Variants in CNTN6 observed in about 807,000 individuals in gnomAD.
CNTN6 encodes the protein contactin-6.
CNTN6 carries 137 observed loss-of-function variants against 122.8 expected under a neutral mutation model. The ratio of observed to expected loss-of-function variants is 1.12; its 90% CI spans 0.97 to 1.29. The LOEUF (loss-of-function observed/expected upper bound fraction) is 1.29, where lower values mean the gene tolerates loss of function less well. Among genes scored for constraint, CNTN6 ranks in the 50% most tolerant of loss-of-function variants. CNTN6 has a pLI of 0.00. For synonymous variants in CNTN6, 570 were observed against 426.0 expected (o/e 1.34, Z -4.16); for missense variants, 1,634 against 1,223.4 (o/e 1.34, Z -5.01).
chr3:1,245,224 A>ATGT (rs2094548700), intron 4 of CNTN6, among the ~76,000 whole-genome samples: 2 of 19,946 alleles, frequency 1.0e-4, no homozygotes, highest in African/African-American at 3.8e-4. Flanking sequence ...ATATATATAT[A>ATGT]TATATATATA....
At chr3:1,351,459 T>C (rs766327205) in intron 11 of CNTN6, among the ~76,000 whole-genome samples, 39 of 151,970 alleles carry the variant, frequency 2.6e-4, no homozygotes, top group Middle Eastern at 3.4e-3. Flanking sequence ...TAAAATATGG[T>C]AGCCTAAAAT....
At chr3:1,158,534 T>C (rs1423263859) in intron 2 of CNTN6, among the ~76,000 whole-genome samples, 1 of 151,838 alleles carries the variant, frequency 6.6e-6, no homozygotes, top group Non-Finnish European at 1.5e-5. Context: ...GCTTTTAAAC[T>C]TGATATGATC....
intron 1 of CNTN6, among the ~76,000 whole-genome samples, chr3:1,147,037 CAGAA>C (rs1414607763): frequency 6.6e-6 from 1 of 151,826 alleles, no homozygotes; most frequent in Non-Finnish European, 1.5e-5. Context: ...TAACTCATGA[CAGAA>C]AGAAATGATT....
intron 20 of CNTN6, among the ~76,000 whole-genome samples, chr3:1,400,894 C>T (rs1695602964): frequency 6.6e-6 from 1 of 152,070 alleles, no homozygotes; most frequent in African/African-American, 2.4e-5. Context: ...TCCTCAGACT[C>T]TGCTGCAATC....
chr3:1,295,815 G>A lies in CNTN6; in HGVS notation c.658+11G>A. ...TGCAGCGCACTGATGGTAAGATAAT[G>A]AGTTATCTTGGGAATGTACTTTATC... On this transcript the variant is annotated intron_variant, in intron 6 of 22. Coordinates refer to ENST00000446702, the MANE Select transcript of CNTN6 (RefSeq NM_001289080.2). 2 of 1,600,488 alleles carry A rather than the reference G, an allele frequency of 1.2e-6. No homozygotes were observed. Among genetic ancestry groups the A allele is most frequent in the Non-Finnish European group, 8.6e-7 (1 of 1,167,894 alleles).
intron 11 of CNTN6, among the ~76,000 whole-genome samples, chr3:1,336,540 C>A (rs1423118058): frequency 6.6e-6 from 1 of 152,072 alleles, no homozygotes; most frequent in Non-Finnish European, 1.5e-5. Flanking sequence ...CTCTGGAAAC[C>A]AATTCCGTTA....
chr3:1,103,942 T>C (rs2091085235), intron 1 of CNTN6, among the ~76,000 whole-genome samples: 1 of 152,142 alleles, frequency 6.6e-6, no homozygotes, highest in Non-Finnish European at 1.5e-5. Flanking sequence ...TAGTTAATTC[T>C]GATAAATAAT....
At position 1,241,509 on chromosome 3, in the gene CNTN6, G is replaced by C. The variant is rs559509520; in HGVS notation, c.358+13516G>C. ...GCCTGGATATGGTTTTGGATGAATT[G>C]AGAAGCTAAACGGAAGATACAAGGT... is the stretch of plus-strand genomic sequence containing the variant. On this transcript the variant is annotated intron_variant, in intron 4 of 22. Transcript: ENST00000446702. Among the ~76,000 whole-genome samples, 3 of 152,200 alleles carry C rather than the reference G, an allele frequency of 2.0e-5. No homozygotes were observed. The East Asian group carries it at 5.8e-4, about 29-fold the overall frequency.
intron 5 of CNTN6, among the ~76,000 whole-genome samples, chr3:1,284,491 A>G (rs1575552817): frequency 6.6e-6 from 1 of 152,194 alleles, no homozygotes; most frequent in East Asian, 1.9e-4. Flanking sequence ...TAATAATAAT[A>G]GTAACGATAA....
At chr3:1,283,946 C>A (rs1168046181) in intron 5 of CNTN6, among the ~76,000 whole-genome samples, 3 of 152,174 alleles carry the variant, frequency 2.0e-5, no homozygotes, top group Non-Finnish European at 2.9e-5. Flanking sequence ...TTGCAGTGAG[C>A]CAAGATCATG....
At chr3:1,249,463 G>T (rs2094628832) in intron 4 of CNTN6, among the ~76,000 whole-genome samples, 1 of 152,180 alleles carries the variant, frequency 6.6e-6, no homozygotes, top group South Asian at 2.1e-4. Context: ...GGAAAAAAAT[G>T]TGCTTGAGCA....
At chr3:1,201,693 T>C (rs977806522) in intron 2 of CNTN6, among the ~76,000 whole-genome samples, 1 of 152,228 alleles carries the variant, frequency 6.6e-6, no homozygotes, top group Non-Finnish European at 1.5e-5. Context: ...GCATTATTTA[T>C]AATAGAAAAC....
intron 2 of CNTN6, among the ~76,000 whole-genome samples, chr3:1,168,197 C>T (rs757284367): frequency 1.3e-5 from 2 of 151,894 alleles, no homozygotes; most frequent in Admixed American, 6.6e-5. Flanking sequence ...CGTGACACAT[C>T]GCGCCCGGCC....
chr3:1,256,160 C>T (rs545712875), intron 4 of CNTN6, among the ~76,000 whole-genome samples: 19 of 152,068 alleles, frequency 1.2e-4, no homozygotes, highest in Non-Finnish European at 2.2e-4. Context: ...CATGAGCCAC[C>T]AAGCCTATTA....
At chr3:1,115,295 C>G (rs2091669402) in intron 1 of CNTN6, among the ~76,000 whole-genome samples, 1 of 152,102 alleles carries the variant, frequency 6.6e-6, no homozygotes, top group Non-Finnish European at 1.5e-5. Context: ...GAATGTATTG[C>G]TAGGGTTATC....
intron 1 of CNTN6, among the ~76,000 whole-genome samples, chr3:1,101,756 G>A (rs1457260437): frequency 6.6e-6 from 1 of 152,202 alleles, no homozygotes; most frequent in Non-Finnish European, 1.5e-5. Flanking sequence ...TCCAATGACA[G>A]AATATGTTAG....
intron 1 of CNTN6, among the ~76,000 whole-genome samples, chr3:1,118,663 G>A (rs1005727409): frequency 1.2e-4 from 19 of 152,050 alleles, no homozygotes; most frequent in African/African-American, 4.3e-4. Flanking sequence ...TCCAATTCAT[G>A]TTGTTTTCTT....
At chr3:1,270,502 T>A (rs1015889691) in intron 4 of CNTN6, among the ~76,000 whole-genome samples, 2 of 152,172 alleles carry the variant, frequency 1.3e-5, no homozygotes, top group African/African-American at 4.8e-5. Context: ...CTGGGCAGAG[T>A]ACTGGCATTT....
At chr3:1,158,248 C>T (rs2093021938) in intron 2 of CNTN6, among the ~76,000 whole-genome samples, 1 of 152,200 alleles carries the variant, frequency 6.6e-6, no homozygotes, top group Admixed American at 6.5e-5. Context: ...CATGATATCT[C>T]ATTGTAGTTT....
Sources: gnomAD v4.1 joint callset for allele counts (sites outside exome capture counted in the v4.1 genomes callset) on GRCh38, gnomAD v4.1.1 for gene constraint, MANE v1.5 for transcripts, NCBI Gene and HGNC (gene_info 2026-07-23, HGNC 2026-07-21) for gene names.